The following HSD17B12 variants were observed in gnomAD, a reference collection of about 807,000 sequenced individuals.
The protein encoded by HSD17B12 is very-long-chain 3-oxoacyl-CoA reductase.
Under a neutral mutation model 39.3 loss-of-function variants are expected in HSD17B12, and 32 were observed. The ratio of observed to expected loss-of-function variants is 0.81; its 90% CI spans 0.61 to 1.09. The LOEUF is 1.09. HSD17B12 is among the 50% of genes least tolerant of loss of function. HSD17B12 has a pLI of 0.00. For synonymous variants in HSD17B12, 150 were observed against 146.7 expected, an observed-to-expected ratio of 1.02 and a Z score of -0.16; for missense variants, 342 against 382.9, an observed-to-expected ratio of 0.89 and a Z score of 0.89.
chr11:43,571,045 C>T, the HSD17B12 span, among the ~76,000 whole-genome samples: 2 of 152,198 alleles, frequency 1.3e-5, no homozygotes, highest in Non-Finnish European at 2.9e-5. Context: ...ATACAATCCC[C>T]ATTCTTTACT....
the HSD17B12 span, among the ~76,000 whole-genome samples, chr11:43,581,092 G>A: frequency 3.7e-3 from 568 of 152,262 alleles, 7 homozygotes; most frequent in East Asian, 0.034. The surrounding 1 kb of genome is among the most constrained non-coding windows in gnomAD (Gnocchi z 4.9). Context: ...GGACAGGCAG[G>A]CGGGGAGGCT....
At chr11:43,805,263 A>G (rs1041596068) in intron 4 of HSD17B12, among the ~76,000 whole-genome samples, 1 of 152,196 alleles carries the variant, frequency 6.6e-6, no homozygotes, top group African/African-American at 2.4e-5. Context: ...ATACCTCTAA[A>G]GGGCTAATGG....
chr11:43,624,273 T>C, the HSD17B12 span, among the ~76,000 whole-genome samples: 1 of 151,964 alleles, frequency 6.6e-6, no homozygotes, highest in Non-Finnish European at 1.5e-5. Context: ...GAAAGTCTCT[T>C]GGAGAATCCT....
the HSD17B12 span, among the ~76,000 whole-genome samples, chr11:43,636,789 A>T: frequency 1.3e-5 from 2 of 152,176 alleles, no homozygotes; most frequent in Non-Finnish European, 2.9e-5. Context: ...TTTTCAACCT[A>T]CATCATGCTT....
the HSD17B12 span, among the ~76,000 whole-genome samples, chr11:43,597,927 G>T: frequency 2.0e-5 from 3 of 152,064 alleles, no homozygotes; most frequent in African/African-American, 7.2e-5. Flanking sequence ...CAGCCACCGC[G>T]CCCAGCCCCC....
the HSD17B12 span, among the ~76,000 whole-genome samples, chr11:43,592,004 T>C: frequency 1.3e-5 from 2 of 152,222 alleles, no homozygotes; most frequent in African/African-American, 4.8e-5. Flanking sequence ...AGTTAATATT[T>C]TTTGTTAGAA....
intron 6 of HSD17B12, among the ~76,000 whole-genome samples, chr11:43,819,767 T>TA (rs1006058636): frequency 2.6e-5 from 4 of 152,178 alleles, no homozygotes; most frequent in African/African-American, 9.7e-5. Flanking sequence ...GATATCTACT[T>TA]ACAATTTTTA....
intron 4 of HSD17B12, among the ~76,000 whole-genome samples, chr11:43,814,650 A>G (rs1233380505): frequency 6.6e-6 from 1 of 152,112 alleles, no homozygotes; most frequent in Non-Finnish European, 1.5e-5. Flanking sequence ...GGGGTGTGGT[A>G]TAAGGAAAAT....
At chr11:43,559,610 C>T in the HSD17B12 span, 1 of 155,954 alleles carries the variant, frequency 6.4e-6, no homozygotes, top group Non-Finnish European at 1.5e-5. Flanking sequence ...AGACCTTCTT[C>T]CTCTCTGTCA....
chr11:43,625,960 A>T, the HSD17B12 span, among the ~76,000 whole-genome samples: 24 of 151,534 alleles, frequency 1.6e-4, no homozygotes, highest in African/African-American at 5.1e-4. Context: ...TTCTATTTTT[A>T]AAACAGCTTA....
the HSD17B12 span, among the ~76,000 whole-genome samples, chr11:43,614,344 TTTCA>T: frequency 1.8e-4 from 28 of 152,252 alleles, no homozygotes. Flanking sequence ...GTCTTCTGGC[TTTCA>T]TTGTTTCAGA....
chr11:43,794,410 CTG>C (rs1243947588), intron 3 of HSD17B12, among the ~76,000 whole-genome samples: 2 of 152,138 alleles, frequency 1.3e-5, no homozygotes, highest in Admixed American at 6.6e-5. Flanking sequence ...CCAATCAAAA[CTG>C]AGACTAAACA....
chr11:43,733,227 AT>A (rs1950285588), intron 1 of HSD17B12, among the ~76,000 whole-genome samples: 1 of 152,194 alleles, frequency 6.6e-6, no homozygotes, highest in African/African-American at 2.4e-5. Context: ...ATAAAGCAAT[AT>A]TGTATTGTAT....
At chr11:43,594,511 T>C in the HSD17B12 span, among the ~76,000 whole-genome samples, 1 of 151,676 alleles carries the variant, frequency 6.6e-6, no homozygotes, top group Non-Finnish European at 1.5e-5. Flanking sequence ...TATGAACTGA[T>C]TTGGTTTTCT....
intron 1 of HSD17B12, among the ~76,000 whole-genome samples, chr11:43,714,365 A>G (rs928075626): frequency 6.6e-6 from 1 of 152,224 alleles, no homozygotes; most frequent in African/African-American, 2.4e-5. Context: ...TCCCAGCACC[A>G]TTTATTAAAT....
chr11:43,602,308 C>T, the HSD17B12 span, among the ~76,000 whole-genome samples: 3 of 152,224 alleles, frequency 2.0e-5, no homozygotes, highest in Admixed American at 2.0e-4. Flanking sequence ...CCCATTTTCA[C>T]TTCTGTGAAA....
intron 1 of HSD17B12, among the ~76,000 whole-genome samples, chr11:43,683,318 A>G (rs1488282566): frequency 6.6e-5 from 10 of 152,102 alleles, no homozygotes; most frequent in Non-Finnish European, 1.3e-4. Context: ...GAACTGGAAC[A>G]CTGGAACAGC....
At chr11:43,731,652 C>A (rs1262291543) in intron 1 of HSD17B12, among the ~76,000 whole-genome samples, 2 of 152,128 alleles carry the variant, frequency 1.3e-5, no homozygotes, top group Admixed American at 1.3e-4. Flanking sequence ...GGTTGGTCAT[C>A]CTGACAAGCT....
the HSD17B12 span, among the ~76,000 whole-genome samples, chr11:43,642,332 AT>A: frequency 6.6e-6 from 1 of 151,726 alleles, no homozygotes; most frequent in Non-Finnish European, 1.5e-5. Flanking sequence ...CTTCTAAGTT[AT>A]TTTTAAAAGA....
Sources: allele counts gnomAD v4.1 joint callset (sites outside exome capture counted in the v4.1 genomes callset), GRCh38; gene constraint gnomAD v4.1.1; non-coding constraint Gnocchi (gnomAD v3.1); transcripts MANE v1.5; gene names NCBI Gene and HGNC (gene_info 2026-07-23, HGNC 2026-07-21).